The following EMC9 variants were observed in gnomAD, a reference collection of about 807,000 sequenced individuals.
EMC9 encodes UPF0172 protein FAM158A.
A neutral mutation model predicts 25.0 loss-of-function variants in EMC9; 20 were observed. The ratio of observed to expected loss-of-function variants is 0.80; its 90% CI spans 0.56 to 1.16. The LOEUF is 1.16. Ranked by LOEUF, EMC9 falls within the 50% of genes most tolerant of loss-of-function variation. The probability of loss-of-function intolerance (pLI) is 0.00; values close to 1 mark genes in which losing one functional copy is unlikely to be tolerated. For missense variants in EMC9, 256 were observed against 268.7 expected (o/e 0.95, Z 0.33); for synonymous variants, 100 against 107.0 (o/e 0.93, Z 0.40).
In EMC9 at chr14:24,140,959, C is replaced by T; in HGVS notation, c.205G>A (p.Val69Met). 1 of 1,614,274 alleles carries T rather than the reference C, an allele frequency of 6.2e-7. No individual in the cohort carries two copies. Among genetic ancestry groups the T allele is most frequent in the Non-Finnish European group, 8.5e-7 (1 of 1,180,052 alleles). ...ACCAGACCGGCCTGTGCTCCCCACA[C>T]ATCCACCTGTCGTAGGAAAGGGGCC... ...MLEVALNQVD[V>M]WGAQAGLVVA... The change falls in exon 3 of 6, where the codon GTG (valine) becomes ATG (methionine). Residue 69 changes from valine to methionine, a missense_variant. Transcript: ENST00000216799.
chr14:24,141,170 G>A lies in EMC9; in HGVS notation c.135C>T (p.Asp45=). 1 of 1,614,128 alleles carries A rather than the reference G, an allele frequency of 6.2e-7. No homozygotes were observed. Among genetic ancestry groups the A allele is most frequent in the East Asian group, 2.2e-5 (1 of 44,892 alleles). Residue 45 remains aspartate, a synonymous_variant, in exon 2 of 6, where the codon GAC becomes GAT. Coordinates refer to ENST00000216799, the MANE Select transcript of EMC9 (RefSeq NM_016049.4). The part of the protein sequence containing the change: ...PRSGECLCLT[D]CVPLFHSHLA... Reference sequence around the variant, plus strand: ...GGTGGCTGTGGAAGAGGGGCACACAGTCGGTGAGGCACAGGCATTCTCCAG... The same window carrying A: ...GGTGGCTGTGGAAGAGGGGCACACAATCGGTGAGGCACAGGCATTCTCCAG...
At chr14:24,140,811 CACGCATCCTCG>C in intron 3 of EMC9, 67 bp downstream of exon 3, 6 of 1,485,670 alleles carry the variant, frequency 4.0e-6, no homozygotes, top group South Asian at 1.2e-5. Flanking sequence ...CCCACCGCCC[CACGCATCCTCG>C]CCCTCTATTC....
rs1478020273 is a variant in EMC9, at chr14:24,141,468, G to A, written c.-43C>T. Reference sequence around the variant, plus strand: ...TTCGGCGACAACGCTAACTCGACTCGCAGGTAGCCCGCCGGCTCCCGGCGC... The same window carrying A: ...TTCGGCGACAACGCTAACTCGACTCACAGGTAGCCCGCCGGCTCCCGGCGC... On this transcript the variant is annotated 5_prime_UTR_variant, in exon 1 of 6. Coordinates refer to ENST00000216799, the MANE Select transcript of EMC9 (RefSeq NM_016049.4). The A allele has an allele frequency of 2.6e-6, 2 of 764,160 alleles. No homozygotes were observed. The highest frequency in any genetic ancestry group is 4.2e-6 in the Non-Finnish European group (2 of 475,798). The allele number at this position is 764,160 out of a possible 1,614,324, so 47.3% of individuals were successfully genotyped here.
Position 24,139,283 on chromosome 14 carries a change from T to C in EMC9, c.440+77A>G, listed in dbSNP as rs896445167. On this transcript the variant is annotated intron_variant, in intron 5 of 5. Transcript: ENST00000216799. The surrounding 1 kb of genome is among the most constrained non-coding windows in gnomAD (Gnocchi z 4.6). The stretch of plus-strand genomic sequence containing the variant: ...AGAGATTGGGTCTAGAGAAAGACCC[T>C]TGGGGCAGGGCCAAGGACAGAGGAG... The C allele has an allele frequency of 1.0e-5, 16 of 1,600,602 alleles. No individual in the cohort carries two copies. Among genetic ancestry groups the C allele is most frequent in the African/African-American group, 4.0e-5 (3 of 74,464 alleles).
intron 3 of EMC9, chr14:24,140,562 C>T: frequency 4.3e-6 from 1 of 233,156 alleles, no homozygotes; most frequent in Non-Finnish European, 8.4e-6. Flanking sequence ...CCACTGCACT[C>T]CAGCCTGGGA....
Position 24,141,308 on chromosome 14 carries a change from G to T in EMC9, c.-4C>A. ...CCGAGATCTCCACCTCCCCCATGGC[G>T]AGCGAGGCCTGGACGGGAAGCAGCA... On this transcript the variant is annotated 5_prime_UTR_variant, in exon 2 of 6. An upstream open reading frame in the 5' UTR gains an earlier in-frame stop. Coordinates refer to ENST00000216799, the MANE Select transcript of EMC9 (RefSeq NM_016049.4). 1.2e-6 allele frequency: 2 copies of T among 1,613,946 alleles called. No individual in the cohort carries two copies. Among genetic ancestry groups the T allele is most frequent in the South Asian group, 1.1e-5 (1 of 91,084 alleles).
intron 3 of EMC9, chr14:24,140,145 TAATA>T (rs1025261595): frequency 1.2e-4 from 7 of 57,434 alleles, no homozygotes; most frequent in African/African-American, 6.7e-4. Flanking sequence ...TGTATATGAT[TAATA>T]TATATATATA....
At chr14:24,140,747 A>G (rs1485639052) in intron 3 of EMC9, 142 bp downstream of exon 3, 1 of 836,680 alleles carries the variant, frequency 1.2e-6, no homozygotes, top group African/African-American at 1.7e-5. Context: ...TAAGCGTTTG[A>G]TGAAGGAAAG....
In EMC9 at chr14:24,141,146, G is replaced by C; in HGVS notation, c.159C>G (p.His53Gln). ...LTDCVPLFHS[H>Q]LALSVMLEVA... is the part of the protein sequence containing the mutation. ...CCTCCAACATGACGGACAGGGCCAG[G>C]TGGCTGTGGAAGAGGGGCACACAGT... The change falls in exon 2 of 6, where the codon CAC becomes CAG. Residue 53 changes from histidine to glutamine, a missense_variant. Transcript: ENST00000216799. 1 of 1,614,132 alleles carries C rather than the reference G, an allele frequency of 6.2e-7. No individual in the cohort carries two copies.
At position 24,139,220 on chromosome 14, in the gene EMC9, G is replaced by A. The variant is rs1418275495; in HGVS notation, c.441-24C>T. 6.2e-7 allele frequency: 1 copy of A among 1,612,794 alleles called. No individual in the cohort carries two copies. The highest frequency in any genetic ancestry group is 1.7e-5 in the Admixed American group (1 of 59,984). Reference sequence around the variant, plus strand: ...CTCTGAAATAGTAACCCCCATGGAGGTCAAACAGCAAGTAGTGGGTCCAGA... The same window carrying A: ...CTCTGAAATAGTAACCCCCATGGAGATCAAACAGCAAGTAGTGGGTCCAGA... On this transcript the variant is annotated intron_variant, in intron 5 of 5. Coordinates refer to ENST00000216799, the MANE Select transcript of EMC9 (RefSeq NM_016049.4). This position sits in a 1 kb window ranked among gnomAD's most constrained non-coding sequence, Gnocchi z 4.6.
At position 24,139,697 on chromosome 14, in the gene EMC9, A is replaced by C. The variant is rs1258212832; in HGVS notation, c.276-83T>G. On this transcript the variant is annotated intron_variant, in intron 3 of 5. Coordinates refer to ENST00000216799, the MANE Select transcript of EMC9 (RefSeq NM_016049.4). The surrounding 1 kb of genome is among the most constrained non-coding windows in gnomAD (Gnocchi z 4.6). ...TTGAGCTGGGCCTCCCAGGTCTCATAGGTGTGGGCGCAGCTGTGGCCTTTC... is the reference window on the plus strand; with the variant it reads ...TTGAGCTGGGCCTCCCAGGTCTCATCGGTGTGGGCGCAGCTGTGGCCTTTC... 6.4e-7 allele frequency: 1 copy of C among 1,563,458 alleles called. No homozygotes were observed. Among genetic ancestry groups the C allele is most frequent in the Admixed American group, 1.9e-5 (1 of 51,974 alleles).
Position 24,139,324 on chromosome 14 carries a change from G to A in EMC9, c.440+36C>T. 6.2e-7 allele frequency: 1 copy of A among 1,608,948 alleles called. No individual in the cohort carries two copies. Among genetic ancestry groups the A allele is most frequent in the Non-Finnish European group, 8.5e-7 (1 of 1,176,742 alleles). ...GACAGAGGAGACCCAGGAGCCTTGG[G>A]CTTCTAAGAAGAGGTAGAGGGAGTG... On this transcript the variant is annotated intron_variant, in intron 5 of 5. Transcript: ENST00000216799. This position sits in a 1 kb window ranked among gnomAD's most constrained non-coding sequence, Gnocchi z 4.6.
intron 3 of EMC9, chr14:24,140,002 ATAAAT>A (rs1349876240): frequency 2.1e-5 from 8 of 378,242 alleles, no homozygotes; most frequent in Non-Finnish European, 4.2e-5. Context: ...AAAGTATTAA[ATAAAT>A]TAGAGTACAT....
Position 24,139,134 on chromosome 14 carries a change from G to T in EMC9, c.503C>A (p.Ala168Asp). 1.2e-6 allele frequency: 2 copies of T among 1,614,154 alleles called. No homozygotes were observed. The highest frequency in any genetic ancestry group is 8.5e-7 in the Non-Finnish European group (1 of 1,180,014). The change falls in exon 6 of 6, where the codon GCC becomes GAC. Residue 168 changes from alanine (A) to aspartate (D), a missense_variant. Ala to Asp is a moderately radical substitution (Grantham distance 126, BLOSUM62 -2). Coordinates refer to ENST00000216799, the MANE Select transcript of EMC9 (RefSeq NM_016049.4). The surrounding 1 kb of genome is among the most constrained non-coding windows in gnomAD (Gnocchi z 4.6). ...GTCAAAGTCCACAAGGTGCTGGTGG[G>T]CCCGATCTTCCAGTAGAGCTCCCAC... ...QMVGALLEDR[A>D]HQHLVDFDCH...
rs201756898 is a variant in EMC9, at chr14:24,140,965, C to T, written c.199G>A (p.Val67Met). 2.6e-5 allele frequency: 42 copies of T among 1,614,264 alleles called. No homozygotes were observed. The highest frequency in any genetic ancestry group is 3.5e-5 in the Non-Finnish European group (41 of 1,180,054). The change falls in exon 3 of 6, where the codon GTG becomes ATG. Residue 67 changes from valine (V) to methionine (M), a missense_variant and splice_region_variant. By Grantham distance (21) the Val-to-Met change is conservative. Coordinates refer to ENST00000216799, the MANE Select transcript of EMC9 (RefSeq NM_016049.4). ...SVMLEVALNQ[V>M]DVWGAQAGLV... ...CCGGCCTGTGCTCCCCACACATCCA[C>T]CTGTCGTAGGAAAGGGGCCATCAGT...
chr14:24,139,728 AGGT>A lies in EMC9; in HGVS notation c.276-117_276-115del. 1 of 1,548,948 alleles carries A rather than the reference AGGT, an allele frequency of 6.5e-7. No individual in the cohort carries two copies. Among genetic ancestry groups the A allele is most frequent in the East Asian group, 2.4e-5 (1 of 40,886 alleles). ...GGGCGCAGCTGTGGCCTTTCCCTGT[AGGT>A]GGCCTGCGGGGATCGGGCCTGCTGG... On this transcript the variant is annotated intron_variant, in intron 3 of 5. Transcript: ENST00000216799. The surrounding 1 kb of genome is among the most constrained non-coding windows in gnomAD (Gnocchi z 4.6).
At chr14:24,140,622 T>TA (rs1310771834) in intron 3 of EMC9, among the ~76,000 whole-genome samples, 1 of 151,358 alleles carries the variant, frequency 6.6e-6, no homozygotes, top group Non-Finnish European at 1.5e-5. Context: ...AGTCTGTTGA[T>TA]ACACAGTTGT....
Position 24,140,944 on chromosome 14 carries a change from C to T in EMC9, c.220G>A (p.Ala74Thr). ...TAGTAACCAGCCACCACCAGACCGGCCTGTGCTCCCCACACATCCACCTGT... is the reference window on the plus strand; with the variant it reads ...TAGTAACCAGCCACCACCAGACCGGTCTGTGCTCCCCACACATCCACCTGT... ...LNQVDVWGAQ[A>T]GLVVAGYYHA... Residue 74 changes from alanine to threonine, a missense_variant, in exon 3 of 6, where the codon GCC becomes ACC. Transcript: ENST00000216799. The T allele has an allele frequency of 6.2e-7, 1 of 1,614,284 alleles. No homozygotes were observed. Among genetic ancestry groups the T allele is most frequent in the Non-Finnish European group, 8.5e-7 (1 of 1,180,058 alleles).
Position 24,139,307 on chromosome 14 carries a change from A to G in EMC9, c.440+53T>C, listed in dbSNP as rs950192200. On this transcript the variant is annotated intron_variant, in intron 5 of 5. Transcript: ENST00000216799. This position sits in a 1 kb window ranked among gnomAD's most constrained non-coding sequence, Gnocchi z 4.6. ...CTTGGGGCAGGGCCAAGGACAGAGG[A>G]GACCCAGGAGCCTTGGGCTTCTAAG... 3.1e-6 allele frequency: 5 copies of G among 1,603,936 alleles called. No homozygotes were observed. The South Asian group carries it at 4.4e-5, about 14-fold the overall frequency.
Sources: allele counts gnomAD v4.1 joint callset (sites outside exome capture counted in the v4.1 genomes callset), GRCh38; gene constraint gnomAD v4.1.1; non-coding constraint Gnocchi (gnomAD v3.1); transcripts MANE v1.5; gene names NCBI Gene and HGNC (gene_info 2026-07-23, HGNC 2026-07-21).